IL1RAPL1: variants seen among roughly 807,000 people sequenced by gnomAD.
The protein encoded by IL1RAPL1 is interleukin-1 receptor accessory protein-like 1.
Under a neutral mutation model 48.4 loss-of-function variants are expected in IL1RAPL1, and 3 were observed. That is an observed-to-expected ratio of 0.06 (90% CI 0.03 to 0.16). The LOEUF is 0.16. Among genes scored for constraint, IL1RAPL1 ranks in the 10% least tolerant of loss-of-function variants. IL1RAPL1 has a pLI of 1.00. For synonymous variants in IL1RAPL1, 185 were observed against 187.7 expected, an observed-to-expected ratio of 0.99 and a Z score of 0.12; for missense variants, 349 against 530.6, an observed-to-expected ratio of 0.66 and a Z score of 3.36.
chrX:29,328,904 A>G (rs189208824), intron 3 of IL1RAPL1, among the ~76,000 whole-genome samples: 1 of 111,119 alleles, frequency 9.0e-6, no homozygotes, highest in African/African-American at 3.3e-5. Context: ...AGTATGATTT[A>G]CTATTAAAAG....
chrX:28,974,171 C>T (rs1925150819), intron 2 of IL1RAPL1, among the ~76,000 whole-genome samples: 1 of 111,607 alleles, frequency 9.0e-6, no homozygotes, highest in African/African-American at 3.3e-5. Context: ...CTCCTGGCTT[C>T]CCCCATACTT....
intron 3 of IL1RAPL1, among the ~76,000 whole-genome samples, chrX:29,309,993 C>T (rs1225293809): frequency 2.0e-5 from 2 of 101,307 alleles, no homozygotes; most frequent in Non-Finnish European, 2.0e-5. Flanking sequence ...ACTCGGGAGG[C>T]TGAGGCAGGA....
chrX:29,935,705 G>A (rs1475277914), intron 8 of IL1RAPL1, among the ~76,000 whole-genome samples: 1 of 111,442 alleles, frequency 9.0e-6, no homozygotes, highest in Non-Finnish European at 1.9e-5. Context: ...ACTTTGAATA[G>A]TTCATTAACA....
intron 2 of IL1RAPL1, among the ~76,000 whole-genome samples, chrX:29,258,436 T>C (rs920081429): frequency 1.8e-5 from 2 of 111,246 alleles, no homozygotes; most frequent in Non-Finnish European, 3.8e-5. Context: ...GTTTGAAATC[T>C]CAGTATCCTT....
chrX:29,206,023 G>A (rs1396356476), intron 2 of IL1RAPL1, among the ~76,000 whole-genome samples: 3 of 111,184 alleles, frequency 2.7e-5, no homozygotes, highest in Admixed American at 9.7e-5. Context: ...GATTATAGGC[G>A]TGAGCCACTG....
intron 6 of IL1RAPL1, among the ~76,000 whole-genome samples, chrX:29,717,955 G>A (rs73456409): frequency 0.12 from 12,875 of 111,216 alleles, 1,223 homozygotes; most frequent in African/African-American, 0.31. Flanking sequence ...AGCAAGTACT[G>A]GAACTTTGGG....
At chrX:29,225,748 T>C (rs1219430041) in intron 2 of IL1RAPL1, among the ~76,000 whole-genome samples, 1 of 111,665 alleles carries the variant, frequency 9.0e-6, no homozygotes, top group East Asian at 2.8e-4. Context: ...TACACTCCTA[T>C]AGAGACTGGG....
intron 3 of IL1RAPL1, among the ~76,000 whole-genome samples, chrX:29,345,683 C>A (rs905116784): frequency 9.0e-6 from 1 of 111,093 alleles, no homozygotes; most frequent in Admixed American, 9.6e-5. Context: ...TTTAAGAAAG[C>A]CAGTATCAGA....
intron 6 of IL1RAPL1, among the ~76,000 whole-genome samples, chrX:29,911,881 G>C (rs957483812): frequency 9.0e-6 from 1 of 111,318 alleles, no homozygotes; most frequent in African/African-American, 3.3e-5. Flanking sequence ...TCCCCCTATC[G>C]TCTTTTTCAA....
At chrX:29,379,994 A>G (rs1022613718) in intron 3 of IL1RAPL1, among the ~76,000 whole-genome samples, 1 of 110,589 alleles carries the variant, frequency 9.0e-6, no homozygotes, top group African/African-American at 3.3e-5. Context: ...GCTTCCACAT[A>G]CATGTGAGAC....
intron 2 of IL1RAPL1, among the ~76,000 whole-genome samples, chrX:28,994,116 A>T (rs1248921017): frequency 1.8e-5 from 2 of 111,302 alleles, no homozygotes; most frequent in Non-Finnish European, 3.8e-5. Context: ...TTTAAACAAG[A>T]AGTAAAATGA....
intron 3 of IL1RAPL1, among the ~76,000 whole-genome samples, chrX:29,314,167 A>G (rs1201543118): frequency 8.9e-6 from 1 of 112,163 alleles, no homozygotes; most frequent in African/African-American, 3.2e-5. Context: ...ATAAAGATCA[A>G]CACTTGACAC....
At chrX:29,796,167 G>A (rs1282182585) in intron 6 of IL1RAPL1, among the ~76,000 whole-genome samples, 1 of 112,069 alleles carries the variant, frequency 8.9e-6, no homozygotes, top group Non-Finnish European at 1.9e-5. Context: ...GAAGGCTTTA[G>A]ATATCAACAG....
chrX:29,441,536 C>T (rs1934547630), intron 5 of IL1RAPL1, among the ~76,000 whole-genome samples: 1 of 112,193 alleles, frequency 8.9e-6, no homozygotes, highest in African/African-American at 3.2e-5. Flanking sequence ...TCCCTGTACT[C>T]ACTGGTGCTA....
chrX:28,933,992 G>A (rs1291241243), intron 2 of IL1RAPL1, among the ~76,000 whole-genome samples: 1 of 111,180 alleles, frequency 9.0e-6, no homozygotes, highest in Non-Finnish European at 1.9e-5. Context: ...CATTTTCATT[G>A]CCATCTTCGG....
At chrX:29,573,904 A>C (rs777132138) in intron 5 of IL1RAPL1, among the ~76,000 whole-genome samples, 2 of 111,681 alleles carry the variant, frequency 1.8e-5, no homozygotes, top group South Asian at 7.6e-4. Context: ...AAGAACCATA[A>C]ATACTTGAGA....
intron 2 of IL1RAPL1, among the ~76,000 whole-genome samples, chrX:29,133,676 T>A (rs1176717563): frequency 8.9e-6 from 1 of 111,893 alleles, no homozygotes; most frequent in Non-Finnish European, 1.9e-5. Context: ...ATACAATATA[T>A]TGACATATTA....
intron 1 of IL1RAPL1, among the ~76,000 whole-genome samples, chrX:28,658,697 A>G (rs1010730217): frequency 5.4e-5 from 6 of 111,476 alleles, no homozygotes; most frequent in African/African-American, 2.0e-4. Flanking sequence ...TACAAACACC[A>G]TTTAGTTGCC....
rs1262642664 is a variant in IL1RAPL1 at position 29,341,688 on chromosome X, A to T, written c.363-54570A>T. On this transcript the variant is annotated intron_variant, in intron 3 of 10. Transcript: ENST00000378993. ...AACTAATGAGGAGACTGGAGCATGG[A>T]GTATGCTAATATGTGAATGAAAATA... 2.7e-5 allele frequency among the ~76,000 whole-genome samples: 3 copies of T among 112,030 alleles called. No homozygotes were observed. The East Asian group carries it at 8.4e-4, about 31-fold the overall frequency.
Sources: gnomAD v4.1 joint callset for allele counts (sites outside exome capture counted in the v4.1 genomes callset) on GRCh38, gnomAD v4.1.1 for gene constraint, MANE v1.5 for transcripts, NCBI Gene and HGNC (gene_info 2026-07-23, HGNC 2026-07-21) for gene names.